Variants in ZIM2 observed in about 807,000 individuals in gnomAD.
The protein encoded by ZIM2 is zinc finger imprinted 2.
A neutral mutation model predicts 38.6 loss-of-function variants in ZIM2; 14 were observed. That is an observed-to-expected ratio of 0.36 (90% CI 0.24 to 0.57). The LOEUF (loss-of-function observed/expected upper bound fraction) is 0.57, where lower values mean the gene tolerates loss of function less well. Among genes scored for constraint, ZIM2 ranks in the 20% least tolerant of loss-of-function variants. The pLI, the probability that ZIM2 is intolerant of heterozygous loss-of-function variation, is 0.81. For synonymous variants in ZIM2, 247 were observed against 245.8 expected (o/e 1.00, Z -0.04); for missense variants, 680 against 695.1 (o/e 0.98, Z 0.24).
At chr19:56,832,830 C>T (rs1325582802) in intron 2 of ZIM2, among the ~76,000 whole-genome samples, 1 of 152,208 alleles carries the variant, frequency 6.6e-6, no homozygotes, top group Non-Finnish European at 1.5e-5. Context: ...ACAGAACAAG[C>T]CTGGCGCTGC....
intron 10 of ZIM2, 128 bp from the exon 11 acceptor site, chr19:56,782,249 G>C: frequency 8.9e-6 from 11 of 1,229,398 alleles, no homozygotes; most frequent in Non-Finnish European, 1.2e-5. Flanking sequence ...ATCTTTCTTT[G>C]TCTTATCGAG....
At chr19:56,825,386 C>A (rs1370739150) in intron 3 of ZIM2, among the ~76,000 whole-genome samples, 1 of 152,218 alleles carries the variant, frequency 6.6e-6, no homozygotes, top group Non-Finnish European at 1.5e-5. Context: ...CGTTCTTTTG[C>A]CTTCATCAAT....
rs374250449 is a variant in ZIM2, at chr19:56,813,633, T to C, written c.490+4113A>G. The C allele has an allele frequency of 2.5e-6, 4 of 1,573,536 alleles. No individual in the cohort carries two copies. In the African/African-American group the frequency reaches 5.4e-5, roughly 21 times the overall value. On this transcript the variant is annotated intron_variant, in intron 9 of 12. Transcript: ENST00000629319. Reference sequence around the variant, plus strand: ...TGGATTCTCTGTGGTTTGGTAAGGGTCAAGTCCTAGGTGAAGGTTTTCTAA... The same window carrying C: ...TGGATTCTCTGTGGTTTGGTAAGGGCCAAGTCCTAGGTGAAGGTTTTCTAA...
At chr19:56,813,395 G>T in intron 9 of ZIM2, 5 of 1,227,786 alleles carry the variant, frequency 4.1e-6, no homozygotes, top group Non-Finnish European at 5.1e-6. Flanking sequence ...TCTGTAGTCT[G>T]GAATACTCAT....
chr19:56,778,536 G>A (rs181319290), intron 12 of ZIM2, among the ~76,000 whole-genome samples: 2 of 152,270 alleles, frequency 1.3e-5, no homozygotes, highest in East Asian at 3.9e-4. Context: ...ATGCTTCTTG[G>A]ACACACCAGC....
chr19:56,834,905 A>T (rs193234325), intron 2 of ZIM2, among the ~76,000 whole-genome samples: 1 of 152,178 alleles, frequency 6.6e-6, no homozygotes, highest in South Asian at 2.1e-4. Flanking sequence ...GCCTGGCATG[A>T]TCCTGTCCTG....
chr19:56,811,070 A>T, intron 9 of ZIM2: 1 of 975,942 alleles, frequency 1.0e-6, no homozygotes, highest in Non-Finnish European at 1.2e-6. Context: ...ATAAGAGGAG[A>T]GTATATGTCT....
In ZIM2 at chr19:56,824,243, A is replaced by AC. The variant is rs2060800083; in HGVS notation, c.16+18dup. On this transcript the variant is annotated intron_variant, in intron 4 of 12. Coordinates refer to ENST00000629319, the MANE Select transcript of ZIM2 (RefSeq NM_001387356.1). ...CCTGAGGCCTGCACTGACCACCAAC[A>AC]CCCCGTGGAGACTCTCACCTTCTGG... The AC allele has an allele frequency of 6.2e-7, 1 of 1,609,710 alleles. No individual in the cohort carries two copies. The highest frequency in any genetic ancestry group is 8.5e-7 in the Non-Finnish European group (1 of 1,177,772).
chr19:56,788,295 G>A (rs2046736617), intron 10 of ZIM2, among the ~76,000 whole-genome samples: 1 of 152,012 alleles, frequency 6.6e-6, no homozygotes, highest in African/African-American at 2.4e-5. Context: ...CAGAGATTCT[G>A]GTACGTTGTG....
rs777281592 is a variant in ZIM2 at position 56,815,636 on chromosome 19, G to A, written c.490+2110C>T. The A allele has an allele frequency of 4.3e-6, 7 of 1,613,888 alleles. No individual in the cohort carries two copies. In the Admixed American group the frequency reaches 5.0e-5, roughly 12 times the overall value. ...TGCTCAATGTATTTCTTTTTAGCACGAGCCTTCTGGTATTCACGGACATTT... is the reference window on the plus strand; with the variant it reads ...TGCTCAATGTATTTCTTTTTAGCACAAGCCTTCTGGTATTCACGGACATTT... On this transcript the variant is annotated intron_variant, in intron 9 of 12. Coordinates refer to ENST00000629319, the MANE Select transcript of ZIM2 (RefSeq NM_001387356.1).
intron 7 of ZIM2, among the ~76,000 whole-genome samples, chr19:56,819,484 T>G (rs1043986660): frequency 3.9e-5 from 6 of 152,216 alleles, no homozygotes; most frequent in African/African-American, 1.4e-4. Flanking sequence ...AGAACTGGTT[T>G]CAGGGAGTCA....
chr19:56,832,301 C>T lies in ZIM2; in HGVS notation c.-227+3717G>A, dbSNP rs78384905. On this transcript the variant is annotated intron_variant, in intron 2 of 12. Transcript: ENST00000629319. ...TGCTGGGTTCCCCATAATACAATCTCCCTCTGACCCTTAAGCACTCCCACC... is the reference window on the plus strand; with the variant it reads ...TGCTGGGTTCCCCATAATACAATCTTCCTCTGACCCTTAAGCACTCCCACC... Among the ~76,000 whole-genome samples the T allele has an allele frequency of 2.7e-3, 406 of 152,310 alleles. 4 individuals carry two copies. Among genetic ancestry groups the T allele is most frequent in the African/African-American group, 9.5e-3 (395 of 41,560 alleles).
In ZIM2 at chr19:56,778,871, A is replaced by G. The variant is rs1600705095; in HGVS notation, c.835+506T>C. On this transcript the variant is annotated intron_variant, in intron 12 of 12. Transcript: ENST00000629319. ...AGGTGAAGTCTATGGTTCCAGAACT[A>G]TAAGGACGCTAGTGGGAACCTTTTG... Among the ~76,000 whole-genome samples the G allele has an allele frequency of 2.0e-5, 3 of 152,264 alleles. No homozygotes were observed. The East Asian group carries it at 5.8e-4, about 29-fold the overall frequency.
chr19:56,830,094 G>A (rs1406245191), intron 2 of ZIM2, among the ~76,000 whole-genome samples: 1 of 152,210 alleles, frequency 6.6e-6, no homozygotes, highest in African/African-American at 2.4e-5. Flanking sequence ...GCTTGAAGAT[G>A]TATGAATCCA....
intron 9 of ZIM2, chr19:56,810,198 T>C: frequency 1.0e-6 from 1 of 981,886 alleles, no homozygotes. Flanking sequence ...ATCAAGATGT[T>C]AACCACACTC....
chr19:56,817,653 C>T lies in ZIM2; in HGVS notation c.490+93G>A, dbSNP rs563430574. The T allele has an allele frequency of 4.6e-6, 7 of 1,518,234 alleles. No individual in the cohort carries two copies. In the East Asian group the frequency reaches 1.6e-4, roughly 34 times the overall value. 94.0% of individuals were successfully genotyped at this position (1,518,234 alleles called of 1,614,324 possible). Reference sequence around the variant, plus strand: ...ACAGTGGGACTTGGAGGGGTGCACCCTTCTGTGATGTTTAGGAATGCAAAG... The same window carrying T: ...ACAGTGGGACTTGGAGGGGTGCACCTTTCTGTGATGTTTAGGAATGCAAAG... On this transcript the variant is annotated intron_variant, in intron 9 of 12. Transcript: ENST00000629319.
At chr19:56,838,886 A>AC (rs1370698578) in intron 1 of ZIM2, among the ~76,000 whole-genome samples, 1 of 152,092 alleles carries the variant, frequency 6.6e-6, no homozygotes, top group Non-Finnish European at 1.5e-5. Flanking sequence ...TATGCGGCAA[A>AC]CCGCAGCCGC....
chr19:56,813,899 T>C, intron 9 of ZIM2: 1 of 1,614,208 alleles, frequency 6.2e-7, no homozygotes, highest in Non-Finnish European at 8.5e-7. Flanking sequence ...GTGCTGGAAG[T>C]GAAGGTTTCT....
At chr19:56,812,998 G>C (rs1759259011) in intron 9 of ZIM2, 18 of 985,740 alleles carry the variant, frequency 1.8e-5, no homozygotes, top group Non-Finnish European at 2.2e-5. Flanking sequence ...GCAGAAAGAA[G>C]CTAAAGTACT....
Sources: gnomAD v4.1 joint callset for allele counts (sites outside exome capture counted in the v4.1 genomes callset) on GRCh38, gnomAD v4.1.1 for gene constraint, MANE v1.5 for transcripts, NCBI Gene and HGNC (gene_info 2026-07-23, HGNC 2026-07-21) for gene names.